The following VEPH1 variants were observed in gnomAD, a reference collection of about 807,000 sequenced individuals.
VEPH1 encodes the protein ventricular zone expressed PH domain containing 1.
VEPH1 carries 80 observed loss-of-function variants against 85.2 expected under a neutral mutation model. The observed-to-expected ratio is 0.94, with a 90% confidence interval of 0.78 to 1.13. VEPH1 has a LOEUF of 1.13. Among genes scored for constraint, VEPH1 ranks in the 50% most tolerant of loss-of-function variants. VEPH1 has a pLI of 0.00. For missense variants in VEPH1, 955 were observed against 980.5 expected, an observed-to-expected ratio of 0.97 and a Z score of 0.35; for synonymous variants, 297 against 348.0, an observed-to-expected ratio of 0.85 and a Z score of 1.63.
chr3:157,335,237 G>GA (rs59720322), intron 9 of VEPH1, among the ~76,000 whole-genome samples: 14,749 of 142,726 alleles, frequency 0.1, 1,230 homozygotes, highest in African/African-American at 0.23. Flanking sequence ...ACATCTCTAT[G>GA]AAAAAAAAAA....
At chr3:157,362,805 T>C (rs1726197282) in intron 9 of VEPH1, among the ~76,000 whole-genome samples, 1 of 152,198 alleles carries the variant, frequency 6.6e-6, no homozygotes, top group Non-Finnish European at 1.5e-5. Context: ...CATTTTCAAC[T>C]TATAATGGGT....
At chr3:157,432,458 C>T (rs2316709) in intron 4 of VEPH1, among the ~76,000 whole-genome samples, 87,869 of 151,790 alleles carry the variant, frequency 0.58, 25,873 homozygotes, top group East Asian at 0.67. Flanking sequence ...TAGTTGTCTT[C>T]AATCTGTCTG....
At chr3:157,266,070 A>T (rs914379750) in intron 12 of VEPH1, among the ~76,000 whole-genome samples, 2 of 145,294 alleles carry the variant, frequency 1.4e-5, no homozygotes, top group African/African-American at 5.1e-5. Context: ...CTTCATTTTG[A>T]TTTTGCCAGT....
rs114164598 is a variant in VEPH1 at position 157,397,328 on chromosome 3, T to C, written c.907-15952A>G. On this transcript the variant is annotated intron_variant, in intron 6 of 13. Coordinates refer to ENST00000362010, the MANE Select transcript of VEPH1 (RefSeq NM_001167912.2). ...TACTGGTACTCTGCTGTTTTGTTAC[T>C]GTAGTCTTGTAGTACAGTTTGAAGT... is the stretch of plus-strand genomic sequence containing the variant. 5.5e-3 allele frequency among the ~76,000 whole-genome samples: 832 copies of C among 152,320 alleles called. 3 individuals carry two copies. The highest frequency in any genetic ancestry group is 0.019 in the African/African-American group (797 of 41,568).
Position 157,399,638 on chromosome 3 carries a change from T to C in VEPH1, c.906+14243A>G, listed in dbSNP as rs181404314. Among the ~76,000 whole-genome samples the C allele has an allele frequency of 1.8e-3, 267 of 152,256 alleles. 1 individual carries two copies. The highest frequency in any genetic ancestry group is 6.4e-3 in the Admixed American group (98 of 15,296). ...TTTTACAATTAAAAAATTTCATTCT[T>C]TAAAAAGTATGCCACGCAGACAAGA... On this transcript the variant is annotated intron_variant, in intron 6 of 13. Coordinates refer to ENST00000362010, the MANE Select transcript of VEPH1 (RefSeq NM_001167912.2).
At chr3:157,424,338 G>A (rs1372825136) in intron 5 of VEPH1, among the ~76,000 whole-genome samples, 2 of 152,158 alleles carry the variant, frequency 1.3e-5, no homozygotes, top group African/African-American at 2.4e-5. Context: ...TCTTGGGTAT[G>A]TCTTTATCAG....
intron 12 of VEPH1, among the ~76,000 whole-genome samples, chr3:157,273,807 CT>C (rs1378842902): frequency 6.6e-6 from 1 of 152,210 alleles, no homozygotes; most frequent in Non-Finnish European, 1.5e-5. Context: ...CAATAATTCA[CT>C]CTCTACCTGG....
intron 12 of VEPH1, among the ~76,000 whole-genome samples, chr3:157,276,136 C>G (rs1715356809): frequency 6.6e-6 from 1 of 152,158 alleles, no homozygotes; most frequent in South Asian, 2.1e-4. Flanking sequence ...TTGTGGGGAC[C>G]AAAATTGGAC....
intron 2 of VEPH1, among the ~76,000 whole-genome samples, chr3:157,484,828 C>A (rs1023003394): frequency 2.0e-5 from 3 of 152,124 alleles, no homozygotes; most frequent in Non-Finnish European, 4.4e-5. Flanking sequence ...AGAGAAGAGA[C>A]TGCCAGTTAA....
intron 4 of VEPH1, among the ~76,000 whole-genome samples, chr3:157,454,045 C>A (rs2109322535): frequency 6.6e-6 from 1 of 152,032 alleles, no homozygotes; most frequent in South Asian, 2.1e-4. Flanking sequence ...AAGTTCTTGG[C>A]AGCAATAAAG....
At chr3:157,428,794 A>C (rs184273420) in intron 4 of VEPH1, among the ~76,000 whole-genome samples, 7 of 152,220 alleles carry the variant, frequency 4.6e-5, no homozygotes, top group Non-Finnish European at 8.8e-5. Flanking sequence ...AGAAGGAAAC[A>C]GTTCCAATAA....
intron 9 of VEPH1, among the ~76,000 whole-genome samples, chr3:157,338,845 G>T (rs1052882063): frequency 6.6e-6 from 1 of 152,216 alleles, no homozygotes; most frequent in Non-Finnish European, 1.5e-5. Flanking sequence ...CAGGTGCTGG[G>T]CAGACTTGTC....
chr3:157,359,229 T>C (rs1725777806), intron 9 of VEPH1, among the ~76,000 whole-genome samples: 1 of 152,228 alleles, frequency 6.6e-6, no homozygotes, highest in Admixed American at 6.5e-5. Flanking sequence ...TTTCCAAGGA[T>C]TTATTACAAT....
chr3:157,312,900 A>ATTTTTTT (rs140277345), intron 11 of VEPH1, among the ~76,000 whole-genome samples: 2 of 98,082 alleles, frequency 2.0e-5, no homozygotes, highest in African/African-American at 8.3e-5. Flanking sequence ...AAAAAAAAAC[A>ATTTTTTT]TTTTTTTTTT....
At chr3:157,359,740 T>C (rs1725834666) in intron 9 of VEPH1, among the ~76,000 whole-genome samples, 1 of 152,224 alleles carries the variant, frequency 6.6e-6, no homozygotes, top group Non-Finnish European at 1.5e-5. Flanking sequence ...ACATAGTTTA[T>C]ACTGAAGTAT....
rs114093927 is a variant in VEPH1 at position 157,285,968 on chromosome 3, G to A, written c.2128+589C>T. Among the ~76,000 whole-genome samples the A allele has an allele frequency of 7.2e-3, 1,090 of 152,312 alleles. 17 individuals carry two copies. Among genetic ancestry groups the A allele is most frequent in the African/African-American group, 0.022 (931 of 41,570 alleles). On this transcript the variant is annotated intron_variant, in intron 12 of 13. Coordinates refer to ENST00000362010, the MANE Select transcript of VEPH1 (RefSeq NM_001167912.2). ...AAGGACTGATTAAATGAGATAAGGT[G>A]TCTGATATGTTTAGCACAGGGCATG...
At chr3:157,503,037 A>C (rs1189299871) in intron 1 of VEPH1, among the ~76,000 whole-genome samples, 1 of 152,166 alleles carries the variant, frequency 6.6e-6, no homozygotes, top group African/African-American at 2.4e-5. Flanking sequence ...TGAGGCCTAG[A>C]GACATGTTTT....
chr3:157,302,585 C>A (rs868580548), intron 11 of VEPH1, among the ~76,000 whole-genome samples: 2 of 152,232 alleles, frequency 1.3e-5, no homozygotes, highest in Non-Finnish European at 2.9e-5. Context: ...GCACTAGACA[C>A]TGAATCTGCC....
At chr3:157,266,261 A>G (rs1431736118) in intron 12 of VEPH1, among the ~76,000 whole-genome samples, 1 of 149,510 alleles carries the variant, frequency 6.7e-6, no homozygotes, top group African/African-American at 2.5e-5. Flanking sequence ...AACTTACCCA[A>G]CTCTTGTACA....
Sources: allele counts gnomAD v4.1 joint callset (sites outside exome capture counted in the v4.1 genomes callset), GRCh38; gene constraint gnomAD v4.1.1; transcripts MANE v1.5; gene names NCBI Gene and HGNC (gene_info 2026-07-23, HGNC 2026-07-21).